The following SYNJ1 variants were observed in gnomAD, a reference collection of about 807,000 sequenced individuals.
SYNJ1 encodes polyphosphatidylinositol phosphatase SYNJ1.
Under a neutral mutation model 168.2 loss-of-function variants are expected in SYNJ1, and 78 were observed. The observed-to-expected ratio is 0.46, with a 90% CI of 0.39 to 0.56. SYNJ1 has a LOEUF of 0.56. SYNJ1 is among the 20% of genes least tolerant of loss of function. The pLI, the probability that SYNJ1 is intolerant of heterozygous loss-of-function variation, is 0.00. For missense variants in SYNJ1, 1,303 were observed against 1,597.6 expected (o/e 0.82, Z 3.14); for synonymous variants, 539 against 548.6 (o/e 0.98, Z 0.24).
chr21:32,684,413 G>C (rs142066836), intron 9 of SYNJ1, among the ~76,000 whole-genome samples: 1 of 152,074 alleles, frequency 6.6e-6, no homozygotes, highest in African/African-American at 2.4e-5. Context: ...TGCTCTTACA[G>C]TTCTTTGCAC....
At chr21:32,646,072 G>A in intron 24 of SYNJ1, 3 of 708,524 alleles carry the variant, frequency 4.2e-6, no homozygotes, top group Non-Finnish European at 5.1e-6. Flanking sequence ...TATTGTTTGA[G>A]TTAAGCCATT....
chr21:32,649,464 G>T (rs1344034936), intron 23 of SYNJ1, among the ~76,000 whole-genome samples: 1 of 152,092 alleles, frequency 6.6e-6, no homozygotes, highest in Non-Finnish European at 1.5e-5. Flanking sequence ...TTTTTCTTTT[G>T]ATAATGTTGC....
Position 32,687,043 on chromosome 21 carries a change from T to G in SYNJ1, c.883A>C (p.Lys295Gln), listed in dbSNP as rs554456240. ...CCAAGCAAATTTACTATTATTTGTT[T>G]ACCATATAAGTTCTTAAGTGTTCTA... ...HFRTLKNLYG[K>Q]QIIVNLLGSK... Residue 295 changes from lysine (K) to glutamine (Q), a missense_variant, in exon 8 of 33, where the codon AAA becomes CAA. Lys to Gln is a moderately conservative substitution (Grantham distance 53, BLOSUM62 1). Around this residue, in one of 2 missense-constraint regions of SYNJ1, gnomAD observed 920 missense variants for 1,208.8 expected, o/e 0.76. Coordinates refer to ENST00000674351, the MANE Select transcript of SYNJ1 (RefSeq NM_203446.3). The G allele has an allele frequency of 2.2e-4, 335 of 1,538,728 alleles. 6 individuals are homozygous for G. The South Asian group carries it at 3.8e-3, about 17-fold the overall frequency.
chr21:32,719,500 G>A (rs2043141140), intron 2 of SYNJ1, among the ~76,000 whole-genome samples: 1 of 152,178 alleles, frequency 6.6e-6, no homozygotes, highest in Admixed American at 6.5e-5. Context: ...GATCACCTGA[G>A]GTCAGGAGTT....
intron 26 of SYNJ1, 40 bp from the exon 27 acceptor site, chr21:32,643,497 C>T (rs748453460): frequency 2.1e-5 from 34 of 1,592,076 alleles, no homozygotes; most frequent in African/African-American, 1.9e-4. Flanking sequence ...TTGTTCAGGG[C>T]CCACAGCACA....
rs2041277581 is a variant in SYNJ1 at position 32,673,347 on chromosome 21, C to T, written c.1719G>A (p.Glu573=). 6.2e-7 allele frequency: 1 copy of T among 1,606,464 alleles called. No individual in the cohort carries two copies. Among genetic ancestry groups the T allele is most frequent in the Non-Finnish European group, 8.5e-7 (1 of 1,176,846 alleles). Reference sequence around the variant, plus strand: ...ATATTATAAAAAGCCAACCTTGAAACTCCTGGATGCCAGCTAACTTGGGTG... The same window carrying T: ...ATATTATAAAAAGCCAACCTTGAAATTCCTGGATGCCAGCTAACTTGGGTG... ...LDAPKLAGIQ[E]FQDKRSKPTD... The change falls in exon 14 of 33, where the codon GAG becomes GAA. Residue 573 remains glutamate (E), a synonymous_variant. Coordinates refer to ENST00000674351, the MANE Select transcript of SYNJ1 (RefSeq NM_203446.3).
At position 32,671,691 on chromosome 21, in the gene SYNJ1, T is replaced by C. The variant is rs532210627; in HGVS notation, c.1727-1319A>G. On this transcript the variant is annotated intron_variant, in intron 14 of 32. Transcript: ENST00000674351. ...ATTAAATGAACACATGTAAGGTACA[T>C]AGAATTATAGTGTTAGCTGTTATTT... Among the ~76,000 whole-genome samples, 13 of 152,312 alleles carry C rather than the reference T, an allele frequency of 8.5e-5. No individual in the cohort carries two copies. The East Asian group carries it at 9.6e-4, about 11-fold the overall frequency.
At chr21:32,698,187 C>T (rs1227059712) in intron 4 of SYNJ1, among the ~76,000 whole-genome samples, 1 of 151,952 alleles carries the variant, frequency 6.6e-6, no homozygotes, top group Non-Finnish European at 1.5e-5. Flanking sequence ...TCTGCTAAAC[C>T]CAAGTCTCTA....
At chr21:32,669,817 T>C (rs868008164) in intron 15 of SYNJ1, among the ~76,000 whole-genome samples, 1 of 152,236 alleles carries the variant, frequency 6.6e-6, no homozygotes, top group African/African-American at 2.4e-5. Context: ...TTTCTTCATA[T>C]ACTTCAATCA....
chr21:32,657,229 G>T, intron 19 of SYNJ1, 109 bp from the exon 20 acceptor site: 1 of 727,468 alleles, frequency 1.4e-6, no homozygotes, highest in Non-Finnish European at 2.3e-6. Flanking sequence ...GTTTGAGGCT[G>T]GAATGCCAGA....
At chr21:32,701,556 A>G (rs1042759323) in intron 3 of SYNJ1, among the ~76,000 whole-genome samples, 7 of 152,172 alleles carry the variant, frequency 4.6e-5, no homozygotes, top group Admixed American at 4.6e-4. Flanking sequence ...AAAAAAAAAA[A>G]AAGGCTCAAG....
At chr21:32,711,369 TG>T (rs1159826386) in intron 2 of SYNJ1, among the ~76,000 whole-genome samples, 1 of 151,958 alleles carries the variant, frequency 6.6e-6, no homozygotes, top group African/African-American at 2.4e-5. Flanking sequence ...AGTCTCGTTC[TG>T]TCGCCAGGCT....
chr21:32,684,995 C>A (rs1001756776), intron 9 of SYNJ1, among the ~76,000 whole-genome samples: 1 of 150,878 alleles, frequency 6.6e-6, no homozygotes, highest in Non-Finnish European at 1.5e-5. Flanking sequence ...CTGGCTAACA[C>A]GGTGAAACCC....
chr21:32,674,647 A>G (rs2041334867), intron 13 of SYNJ1, among the ~76,000 whole-genome samples: 1 of 149,356 alleles, frequency 6.7e-6, no homozygotes, highest in South Asian at 2.1e-4. Context: ...TTGGTCTACA[A>G]CCCATCTTTT....
intron 4 of SYNJ1, 42 bp downstream of exon 4, chr21:32,699,796 A>T: frequency 6.3e-7 from 1 of 1,582,420 alleles, no homozygotes. Flanking sequence ...ACTGCTGAAC[A>T]TATTATGTCC....
chr21:32,727,075 T>A, intron 1 of SYNJ1, 158 bp from the exon 2 acceptor site: 1 of 942,458 alleles, frequency 1.1e-6, no homozygotes, highest in Non-Finnish European at 1.5e-6. Context: ...TTCCAAAAGA[T>A]AAGTCGTCAC....
Position 32,646,611 on chromosome 21 carries a change from A to G in SYNJ1, c.3038-9T>C. 1 of 1,610,352 alleles carries G rather than the reference A, an allele frequency of 6.2e-7. No individual in the cohort carries two copies. Among genetic ancestry groups the G allele is most frequent in the Non-Finnish European group, 8.5e-7 (1 of 1,176,696 alleles). On this transcript the variant is annotated splice_polypyrimidine_tract_variant and intron_variant, in intron 23 of 32. Coordinates refer to ENST00000674351, the MANE Select transcript of SYNJ1 (RefSeq NM_203446.3). ...ATAGTCATCAACATCACCTAAGGAA[A>G]AGCAGGCTTGATCAGAGATAACTCC...
At position 32,695,108 on chromosome 21, in the gene SYNJ1, G is replaced by C; in HGVS notation, c.654C>G (p.Val218=). 6.2e-7 allele frequency: 1 copy of C among 1,614,000 alleles called. No homozygotes were observed. Residue 218 remains valine, a synonymous_variant, in exon 5 of 33, where the codon GTC becomes GTG. Transcript: ENST00000674351. ...SCERAGTRFN[V]RGTNDDGHVA... Reference sequence around the variant, plus strand: ...CATGACCATCATCATTTGTTCCCCGGACATTAAACCTGGTCCCAGCTCGTT... The same window carrying C: ...CATGACCATCATCATTTGTTCCCCGCACATTAAACCTGGTCCCAGCTCGTT...
chr21:32,699,910 C>A lies in SYNJ1; in HGVS notation c.407G>T (p.Gly136Val), dbSNP rs771507886. 6.2e-7 allele frequency: 1 copy of A among 1,614,084 alleles called. No homozygotes were observed. The highest frequency in any genetic ancestry group is 8.5e-7 in the Non-Finnish European group (1 of 1,180,008). The change falls in exon 4 of 33, where the codon GGC (glycine) becomes GTC (valine). Residue 136 changes from glycine (G) to valine (V), a missense_variant. Around this residue, in one of 2 missense-constraint regions of SYNJ1, gnomAD observed 920 missense variants for 1,208.8 expected, o/e 0.76. Transcript: ENST00000674351. ...ATTAAGACTCAAATCTAAACTGATGCCAGATGCAGACCATGCAAAATAAAA... is the reference window on the plus strand; with the variant it reads ...ATTAAGACTCAAATCTAAACTGATGACAGATGCAGACCATGCAAAATAAAA... ...GNFYFAWSAS[G>V]ISLDLSLNAH... is the part of the protein sequence containing the mutation.
Sources: gnomAD v4.1 joint callset for allele counts (sites outside exome capture counted in the v4.1 genomes callset) on GRCh38, gnomAD v4.1.1 for gene constraint, gnomAD v4.1.1 regional missense constraint, MANE v1.5 for transcripts, NCBI Gene and HGNC (gene_info 2026-07-23, HGNC 2026-07-21) for gene names.